Variants in USP34 observed in about 807,000 individuals in gnomAD.
USP34 encodes the protein ubiquitin specific peptidase 34, also known as ubiquitin carboxyl-terminal hydrolase 34.
Under a neutral mutation model 460.3 loss-of-function variants are expected in USP34, and 70 were observed. The ratio of observed to expected loss-of-function variants is 0.15; its 90% CI spans 0.13 to 0.19. The LOEUF is 0.19. USP34 is among the 10% of genes least tolerant of loss of function. The pLI, the probability that USP34 is intolerant of heterozygous loss-of-function variation, is 1.00. For synonymous variants in USP34, 1,647 were observed against 1,405.3 expected (o/e 1.17, Z -3.85); for missense variants, 3,985 against 4,236.2 (o/e 0.94, Z 1.65).
chr2:61,423,218 A>G (rs763936789), intron 1 of USP34, among the ~76,000 whole-genome samples: 2 of 152,116 alleles, frequency 1.3e-5, no homozygotes, highest in African/African-American at 2.4e-5. Context: ...GGTTCAAGCG[A>G]TTCTCCTGCC....
At chr2:61,350,532 GAAA>G in intron 11 of USP34, 33 bp downstream of exon 11, 2 of 1,215,102 alleles carry the variant, frequency 1.6e-6, no homozygotes, top group Non-Finnish European at 2.2e-6. Context: ...CACTTCACGG[GAAA>G]AAAAAAAAAC....
chr2:61,347,785 A>G, intron 15 of USP34, 85 bp downstream of exon 15: 1 of 1,544,562 alleles, frequency 6.5e-7, no homozygotes, highest in Non-Finnish European at 8.7e-7. Flanking sequence ...TAGCACTAAT[A>G]CAGAATAAAT....
At position 61,311,649 on chromosome 2, in the gene USP34, A is replaced by T. The variant is rs779396367; in HGVS notation, c.3708T>A (p.Asp1236Glu). ...IEMYPSDQVA[D>E]LRAEVTHWYE... is the part of the protein sequence containing the mutation. ...ACCAATGAGTTACTTCAGCCCTAAGATCTGCTACCTGGTCACTAGGATACA... is the reference window on the plus strand; with the variant it reads ...ACCAATGAGTTACTTCAGCCCTAAGTTCTGCTACCTGGTCACTAGGATACA... The change falls in exon 27 of 80, where the codon GAT becomes GAA. Residue 1236 changes from aspartate (D) to glutamate (E), a missense_variant. By Grantham distance (45) the Asp-to-Glu change is conservative. Around this residue, in one of 14 missense-constraint regions of USP34, gnomAD observed 1,114 missense variants for 1,122.5 expected, o/e 0.99. Coordinates refer to ENST00000398571, the MANE Select transcript of USP34 (RefSeq NM_014709.4). 6.2e-7 allele frequency: 1 copy of T among 1,613,444 alleles called. No homozygotes were observed. The highest frequency in any genetic ancestry group is 8.5e-7 in the Non-Finnish European group (1 of 1,179,818).
chr2:61,249,935 G>C (rs1688529930), intron 48 of USP34: 2 of 167,566 alleles, frequency 1.2e-5, no homozygotes, highest in Admixed American at 6.4e-5. Flanking sequence ...GAAACAGCCA[G>C]CCATAGCATT....
intron 5 of USP34, among the ~76,000 whole-genome samples, chr2:61,385,283 G>A (rs1161690789): frequency 6.6e-6 from 1 of 152,080 alleles, no homozygotes; most frequent in African/African-American, 2.4e-5. Context: ...TAGTTCTCCC[G>A]AAATTCATCT....
At chr2:61,317,909 A>ATTATT in intron 22 of USP34, 142 bp from the exon 23 acceptor site, 1 of 615,964 alleles carries the variant, frequency 1.6e-6, no homozygotes, top group Non-Finnish European at 2.6e-6. Context: ...AAAAAATAAA[A>ATTATT]ATATATAATA....
intron 67 of USP34, among the ~76,000 whole-genome samples, chr2:61,217,845 C>G (rs538564492): frequency 6.6e-6 from 1 of 152,140 alleles, no homozygotes; most frequent in East Asian, 1.9e-4. Flanking sequence ...ATCCCAGCTA[C>G]TCAGGAGGCT....
chr2:61,222,717 G>A, intron 64 of USP34, 54 bp from the exon 65 acceptor site: 1 of 1,553,236 alleles, frequency 6.4e-7, no homozygotes, highest in Non-Finnish European at 8.8e-7. Context: ...TTGTTTTTGA[G>A]ACAGGGTTTC....
intron 66 of USP34, among the ~76,000 whole-genome samples, chr2:61,220,748 T>G (rs1340975852): frequency 6.6e-6 from 1 of 152,170 alleles, no homozygotes; most frequent in Non-Finnish European, 1.5e-5. Context: ...ATTTGGAAAT[T>G]TATTTAAAAG....
chr2:61,319,519 C>T (rs980668892), intron 21 of USP34, among the ~76,000 whole-genome samples, 192 bp from the exon 22 acceptor site: 1 of 146,636 alleles, frequency 6.8e-6, no homozygotes, highest in Non-Finnish European at 1.5e-5. Flanking sequence ...GAGTTATGTT[C>T]CTACAGCATA....
intron 8 of USP34, among the ~76,000 whole-genome samples, chr2:61,375,768 CA>C (rs56304309): frequency 1.3e-3 from 108 of 80,858 alleles, no homozygotes; most frequent in East Asian, 7.0e-3. Flanking sequence ...GACTCTGTCT[CA>C]AAAAAAAAAA....
intron 7 of USP34, among the ~76,000 whole-genome samples, 155 bp from the exon 8 acceptor site, chr2:61,378,579 C>G (rs563570126): frequency 3.1e-4 from 47 of 152,168 alleles, no homozygotes; most frequent in African/African-American, 1.1e-3. Context: ...ACACACGCTT[C>G]CCAATTACTA....
chr2:61,346,746 C>T (rs1274755631), intron 15 of USP34, among the ~76,000 whole-genome samples: 9 of 145,746 alleles, frequency 6.2e-5, no homozygotes, highest in East Asian at 2.0e-4. Flanking sequence ...GCAGAAGAAT[C>T]GCTTGAACCT....
At chr2:61,361,440 T>C (rs1692273269) in intron 10 of USP34, among the ~76,000 whole-genome samples, 2 of 152,076 alleles carry the variant, frequency 1.3e-5, no homozygotes, top group Admixed American at 6.6e-5. Flanking sequence ...ACATATTATA[T>C]ATGGCACTGG....
At chr2:61,318,851 T>C (rs1008091475) in intron 22 of USP34, among the ~76,000 whole-genome samples, 16 of 152,080 alleles carry the variant, frequency 1.1e-4, no homozygotes, top group Non-Finnish European at 1.9e-4. Flanking sequence ...CCCCTGAAAA[T>C]TGGACTACAA....
Position 61,296,854 on chromosome 2 carries a change from A to G in USP34, c.4200T>C (p.Leu1400=). The G allele has an allele frequency of 1.9e-6, 3 of 1,613,950 alleles. No individual in the cohort carries two copies. Among genetic ancestry groups the G allele is most frequent in the Non-Finnish European group, 2.5e-6 (3 of 1,179,896 alleles). Residue 1400 remains leucine, a synonymous_variant, in exon 30 of 80, where the codon CTT becomes CTC. Coordinates refer to ENST00000398571, the MANE Select transcript of USP34 (RefSeq NM_014709.4). Reference sequence around the variant, plus strand: ...TCAACATATTAGGACATGTAGGAAGAAGCATCAGTAGCTCCCAGACCCGCC... The same window carrying G: ...TCAACATATTAGGACATGTAGGAAGGAGCATCAGTAGCTCCCAGACCCGCC... ...LSRRVWELLM[L]LPTCPNMLMA...
intron 23 of USP34, among the ~76,000 whole-genome samples, chr2:61,315,424 G>C (rs1481652071): frequency 4.6e-5 from 7 of 151,488 alleles, no homozygotes; most frequent in African/African-American, 1.7e-4. Context: ...CCAGGCTGGA[G>C]TGCAGTGGCG....
At position 61,188,000 on chromosome 2, in the gene USP34, G is replaced by C; in HGVS notation, c.*102C>G. On this transcript the variant is annotated 3_prime_UTR_variant, in exon 80 of 80. Transcript: ENST00000398571. ...ATCTATCTTGCCATTCAAGCAGAGA[G>C]CACTGGACAAACTGAAGCACAAAAA... 6.6e-7 allele frequency: 1 copy of C among 1,504,340 alleles called. No individual in the cohort carries two copies. Among genetic ancestry groups the C allele is most frequent in the Non-Finnish European group, 8.9e-7 (1 of 1,128,890 alleles). The allele number at this position is 1,504,340 out of a possible 1,614,324, so 93.2% of individuals were successfully genotyped here. A position where few individuals can be genotyped will look rare whatever the true frequency, so the allele number is the denominator to read the frequency against.
At chr2:61,298,320 G>C (rs1444940436) in intron 29 of USP34, among the ~76,000 whole-genome samples, 1 of 123,054 alleles carries the variant, frequency 8.1e-6, no homozygotes, top group East Asian at 2.5e-4. Flanking sequence ...AGGAGATCAA[G>C]ACCATGCTGG....
Sources: allele counts gnomAD v4.1 joint callset (sites outside exome capture counted in the v4.1 genomes callset), GRCh38; gene constraint gnomAD v4.1.1; regional missense constraint gnomAD v4.1.1; transcripts MANE v1.5; gene names NCBI Gene and HGNC (gene_info 2026-07-23, HGNC 2026-07-21).